GABRQ: variants seen among roughly 807,000 people sequenced by gnomAD.
GABRQ encodes the protein gamma-aminobutyric acid type A receptor subunit theta.
GABRQ carries 19 observed loss-of-function variants against 30.5 expected under a neutral mutation model. The ratio of observed to expected loss-of-function variants is 0.62; its 90% CI spans 0.43 to 0.91. The LOEUF is 0.91. GABRQ is among the 40% of genes least tolerant of loss of function. The pLI is 0.00. For missense variants in GABRQ, 520 were observed against 521.4 expected, an observed-to-expected ratio of 1.00 and a Z score of 0.03; for synonymous variants, 187 against 210.2, an observed-to-expected ratio of 0.89 and a Z score of 0.95.
intron 1 of GABRQ, among the ~76,000 whole-genome samples, chrX:152,638,836 G>A (rs1556817849): frequency 9.0e-6 from 1 of 111,246 alleles, no homozygotes; most frequent in Non-Finnish European, 1.9e-5. Flanking sequence ...TGCATGTGTT[G>A]AGGGGATGAG....
chrX:152,646,880 C>T, intron 3 of GABRQ, 68 bp from the exon 4 acceptor site: 2 of 702,621 alleles, frequency 2.8e-6, no homozygotes, highest in South Asian at 2.3e-5. Flanking sequence ...CACACACACC[C>T]TACACACACC....
At chrX:152,638,439 G>A (rs1930666431) in intron 1 of GABRQ, 88 bp downstream of exon 1, 1 of 936,164 alleles carries the variant, frequency 1.1e-6, no homozygotes, top group East Asian at 3.2e-5. Context: ...AGCGGGCTGG[G>A]GGCGACTCGG....
intron 1 of GABRQ, 82 bp downstream of exon 1, chrX:152,638,433 G>A (rs986975977): frequency 8.6e-5 from 85 of 990,594 alleles, no homozygotes; most frequent in Middle Eastern, 8.3e-4. Context: ...GGACGGAGCG[G>A]GCTGGGGGCG....
chrX:152,649,816 C>T lies in GABRQ; in HGVS notation c.685C>T (p.His229Tyr), dbSNP rs782345111. 8 of 1,176,505 alleles carry T rather than the reference C, an allele frequency of 6.8e-6. No individual in the cohort carries two copies. In the South Asian group the frequency reaches 1.4e-4, roughly 21 times the overall value. ...GNAIHMTEELHIPQFTFLGRT... is the reference protein window; with the variant it reads ...GNAIHMTEELYIPQFTFLGRT... The stretch of plus-strand genomic sequence containing the variant: ...CGCCATCCACATGACTGAGGAGCTG[C>T]ATATCCCTCAGTTCACTTTCCTGGG... Residue 229 changes from histidine to tyrosine, a missense_variant, in exon 6 of 9, where the codon CAT (histidine) becomes TAT (tyrosine). Transcript: ENST00000598523.
At position 152,639,268 on chromosome X, in the gene GABRQ, G is replaced by A. The variant is rs782697806; in HGVS notation, c.149+917G>A. On this transcript the variant is annotated intron_variant, in intron 1 of 8. Coordinates refer to ENST00000598523, the MANE Select transcript of GABRQ (RefSeq NM_018558.4). ...TAAATGGCAAGCCAGAAATTAACAT[G>A]TACTCATAAAGGGGGGGGGGGTGTT... is the stretch of plus-strand genomic sequence containing the variant. Among the ~76,000 whole-genome samples, 7 of 91,558 alleles carry A rather than the reference G, an allele frequency of 7.6e-5. No homozygotes were observed. In the South Asian group the frequency reaches 4.6e-3, roughly 61 times the overall value. The allele number at this position is 91,558 out of a possible 115,157, so 79.5% of individuals were successfully genotyped here. A position where few individuals can be genotyped will look rare whatever the true frequency, so the allele number is the denominator to read the frequency against.
At chrX:152,647,948 G>A (rs1930927693) in intron 4 of GABRQ, among the ~76,000 whole-genome samples, 1 of 111,886 alleles carries the variant, frequency 8.9e-6, no homozygotes, top group African/African-American at 3.3e-5. Context: ...TTTCTCCGTG[G>A]AGCTCTTGCT....
chrX:152,640,565 C>A (rs979335297), intron 2 of GABRQ, 99 bp downstream of exon 2: 16 of 572,185 alleles, frequency 2.8e-5, no homozygotes, highest in Non-Finnish European at 4.1e-5. Flanking sequence ...TGGTATCCTG[C>A]GGGCTCTACA....
intron 7 of GABRQ, 83 bp from the exon 8 acceptor site, chrX:152,651,443 A>G: frequency 2.3e-6 from 2 of 857,454 alleles, no homozygotes; most frequent in Admixed American, 4.8e-5. Flanking sequence ...TCCTCACCCC[A>G]AATATGTTTG....
chrX:152,646,764 C>T (rs1930896291), intron 3 of GABRQ, among the ~76,000 whole-genome samples, 184 bp from the exon 4 acceptor site: 1 of 111,761 alleles, frequency 8.9e-6, no homozygotes, highest in Admixed American at 9.5e-5. Flanking sequence ...ATTCTAATTA[C>T]ACAAGATTCA....
At chrX:152,643,075 C>T (rs781935828) in intron 2 of GABRQ, among the ~76,000 whole-genome samples, 6 of 112,205 alleles carry the variant, frequency 5.3e-5, no homozygotes, top group Non-Finnish European at 1.1e-4. Context: ...CTGAATCATG[C>T]GGAATGGTCT....
chrX:152,658,466 C>G (rs1451123796), downstream of GABRQ, among the ~76,000 whole-genome samples: 5 of 112,152 alleles, frequency 4.5e-5, no homozygotes, highest in Non-Finnish European at 9.4e-5. Context: ...CATGTGGTCA[C>G]AGGTACAAAG....
intron 8 of GABRQ, 148 bp downstream of exon 8, chrX:152,651,930 CAAA>C (rs1481908106): frequency 5.9e-6 from 3 of 506,188 alleles, no homozygotes; most frequent in Non-Finnish European, 9.8e-6. Flanking sequence ...CAACATATAA[CAAA>C]GAAGTAGTAC....
At chrX:152,644,078 T>C (rs1556818808) in intron 2 of GABRQ, among the ~76,000 whole-genome samples, 1 of 111,357 alleles carries the variant, frequency 9.0e-6, no homozygotes, top group African/African-American at 3.3e-5. Context: ...ACACACGTTA[T>C]ATACGAGACC....
chrX:152,658,814 C>T (rs1556821440), downstream of GABRQ, among the ~76,000 whole-genome samples: 1 of 111,737 alleles, frequency 8.9e-6, no homozygotes, highest in Admixed American at 9.5e-5. Context: ...ATCAAAAACC[C>T]TCTTGTTACT....
At chrX:152,639,378 G>GCGCACACACACACACA (rs202009485) in intron 1 of GABRQ, among the ~76,000 whole-genome samples, 22 of 103,362 alleles carry the variant, frequency 2.1e-4, no homozygotes, top group African/African-American at 7.9e-4. Context: ...ATGCGCGTGC[G>GCGCACACACACACACA]CACACACACA....
At position 152,653,213 on chromosome X, in the gene GABRQ, T is replaced by G; in HGVS notation, c.1831T>G (p.Ser611Ala). Residue 611 changes from serine to alanine, a missense_variant, in exon 9 of 9, where the codon TCC becomes GCC. Coordinates refer to ENST00000598523, the MANE Select transcript of GABRQ (RefSeq NM_018558.4). ...PDYVPKVDKW[S>A]RFLFPLAFGL... ...CTACGTCCCAAAGGTCGACAAGTGG[T>G]CCCGGTTCCTCTTCCCTCTGGCCTT... The G allele has an allele frequency of 4.2e-6, 5 of 1,204,290 alleles. No individual in the cohort carries two copies. Among genetic ancestry groups the G allele is most frequent in the Non-Finnish European group, 5.6e-6 (5 of 888,774 alleles).
chrX:152,650,497 A>G lies in GABRQ; in HGVS notation c.818A>G (p.Tyr273Cys). The change falls in exon 7 of 9, where the codon TAC becomes TGC. Residue 273 changes from tyrosine to cysteine, a missense_variant. Physicochemically the swap from Tyr to Cys is radical, Grantham distance 194. Coordinates refer to ENST00000598523, the MANE Select transcript of GABRQ (RefSeq NM_018558.4). The stretch of plus-strand genomic sequence containing the variant: ...GTTAACAGCTACCTTGTGCAAGTCT[A>G]CTGGCCTACTGTCCTCACCACTATT... Reference protein sequence around the residue: ...REVNSYLVQVYWPTVLTTITS... With the variant: ...REVNSYLVQVCWPTVLTTITS... The G allele has an allele frequency of 8.4e-7, 1 of 1,194,698 alleles. No homozygotes were observed. The highest frequency in any genetic ancestry group is 2.2e-5 in the Admixed American group (1 of 45,967).
Position 152,655,556 on chromosome X carries a change from A to G in GABRQ, c.*2275A>G, listed in dbSNP as rs1427138553. 4 of 112,490 alleles carry G rather than the reference A, an allele frequency of 3.6e-5. No homozygotes were observed. Among genetic ancestry groups the G allele is most frequent in the Non-Finnish European group, 7.5e-5 (4 of 53,344 alleles). 9.3% of individuals were successfully genotyped at this position (112,490 alleles called of 1,213,427 possible). On this transcript the variant is annotated 3_prime_UTR_variant, in exon 9 of 9. Transcript: ENST00000598523. Reference sequence around the variant, plus strand: ...TGTACAGTCACATACACATACACACACACAAATCTTGTACGACAGTTGAAA... The same window carrying G: ...TGTACAGTCACATACACATACACACGCACAAATCTTGTACGACAGTTGAAA...
At position 152,655,233 on chromosome X, in the gene GABRQ, AT is replaced by A. The variant is rs1468346536; in HGVS notation, c.*1955del. ...TGCTCCCATATGGTGGAGGGGCCCT[AT>A]TTGGCCGGGCTGCTTAACTGACTGT... On this transcript the variant is annotated 3_prime_UTR_variant, in exon 9 of 9. Transcript: ENST00000598523. 8.9e-6 allele frequency: 1 copy of A among 112,037 alleles called. No individual in the cohort carries two copies. Among genetic ancestry groups the A allele is most frequent in the Non-Finnish European group, 1.9e-5 (1 of 53,184 alleles). 9.2% of individuals were successfully genotyped at this position (112,037 alleles called of 1,213,427 possible). A position where few individuals can be genotyped will look rare whatever the true frequency, so the allele number is the denominator to read the frequency against.
Sources: allele counts gnomAD v4.1 joint callset (sites outside exome capture counted in the v4.1 genomes callset), GRCh38; gene constraint gnomAD v4.1.1; transcripts MANE v1.5; gene names NCBI Gene and HGNC (gene_info 2026-07-23, HGNC 2026-07-21).